COL5A1: variants seen among roughly 807,000 people sequenced by gnomAD.
The protein encoded by COL5A1 is collagen alpha-1(V) chain.
Under a neutral mutation model 263.7 loss-of-function variants are expected in COL5A1, and 16 were observed. That is an observed-to-expected ratio of 0.06 (90% CI 0.04 to 0.09). The LOEUF is 0.09. Ranked by LOEUF, COL5A1 falls within the 10% of genes least tolerant of loss-of-function variation. The pLI is 1.00. For missense variants in COL5A1, 2,036 were observed against 2,540.5 expected (o/e 0.80, Z 4.27); for synonymous variants, 1,012 against 1,004.5 (o/e 1.01, Z -0.14).
intron 4 of COL5A1, among the ~76,000 whole-genome samples, chr9:134,718,069 T>C (rs1834334110): frequency 6.6e-6 from 1 of 152,184 alleles, no homozygotes; most frequent in South Asian, 2.1e-4. Context: ...TCTCCATGGC[T>C]CCAGGCTTAT....
chr9:134,731,824 G>A (rs914991910), intron 8 of COL5A1, among the ~76,000 whole-genome samples, 161 bp downstream of exon 8: 1 of 152,128 alleles, frequency 6.6e-6, no homozygotes, highest in African/African-American at 2.4e-5. Flanking sequence ...TCGGTGCCTC[G>A]AATTTGCTCT....
At chr9:134,744,558 T>A (rs1482045713) in intron 11 of COL5A1, among the ~76,000 whole-genome samples, 1 of 137,790 alleles carries the variant, frequency 7.3e-6, no homozygotes, top group African/African-American at 2.8e-5. Context: ...TGCACACACA[T>A]CCACATATAC....
chr9:134,660,922 G>C (rs761345931), intron 1 of COL5A1, among the ~76,000 whole-genome samples: 7 of 152,166 alleles, frequency 4.6e-5, no homozygotes, highest in Non-Finnish European at 8.8e-5. Context: ...AAACTCAGAG[G>C]GTGCTGACCA....
At chr9:134,658,002 G>C (rs1318776629) in intron 1 of COL5A1, among the ~76,000 whole-genome samples, 1 of 151,998 alleles carries the variant, frequency 6.6e-6, no homozygotes, top group Non-Finnish European at 1.5e-5. Context: ...CGGGCACGGA[G>C]ATGCTGCTGG....
Position 134,841,232 on chromosome 9 carries a change from C to T in COL5A1, c.5371-925C>T, listed in dbSNP as rs994618754. Among the ~76,000 whole-genome samples, 2 of 152,224 alleles carry T rather than the reference C, an allele frequency of 1.3e-5. No homozygotes were observed. Among genetic ancestry groups the T allele is most frequent in the African/African-American group, 2.4e-5 (1 of 41,466 alleles). ...TAGCAAAAGCCATCTGCCCAGGATG[C>T]GTTTGCAGGCTCCTGGTTTGCGGGA... is the stretch of plus-strand genomic sequence containing the variant. On this transcript the variant is annotated intron_variant, in intron 65 of 65. Coordinates refer to ENST00000371817, the MANE Select transcript of COL5A1 (RefSeq NM_000093.5). This position sits in a 1 kb window ranked among gnomAD's most constrained non-coding sequence, Gnocchi z 4.8.
chr9:134,812,293 C>CCGGGA (rs1487062732), intron 46 of COL5A1, among the ~76,000 whole-genome samples, 156 bp from the exon 47 acceptor site: 2 of 152,180 alleles, frequency 1.3e-5, no homozygotes, highest in Non-Finnish European at 2.9e-5. Context: ...ACTGGGAACC[C>CCGGGA]CGGGACGTCC....
intron 1 of COL5A1, among the ~76,000 whole-genome samples, chr9:134,673,431 G>T (rs756933844): frequency 1.3e-4 from 19 of 146,834 alleles, no homozygotes; most frequent in Non-Finnish European, 2.2e-4. Flanking sequence ...CTGCACTCCA[G>T]CCTGGGCAAT....
At chr9:134,767,106 C>G (rs546755839) in intron 23 of COL5A1, 53 bp downstream of exon 23, 1 of 1,583,200 alleles carries the variant, frequency 6.3e-7, no homozygotes, top group Non-Finnish European at 8.6e-7. Flanking sequence ...GGGAGGCACA[C>G]GTCTCCAGTC....
chr9:134,804,967 G>C lies in COL5A1; in HGVS notation c.3115-8G>C, dbSNP rs1405192579. 4 of 1,612,692 alleles carry C rather than the reference G, an allele frequency of 2.5e-6. No individual in the cohort carries two copies. Among genetic ancestry groups the C allele is most frequent in the Middle Eastern group, 3.3e-4 (2 of 6,072 alleles). ...TCCAGGAAAGCTCATCTCTGACTCT[G>C]TTTTCAGGGTGACCCAGGCCCTGCA... On this transcript the variant is annotated splice_polypyrimidine_tract_variant and splice_region_variant and intron_variant, in intron 39 of 65. Coordinates refer to ENST00000371817, the MANE Select transcript of COL5A1 (RefSeq NM_000093.5).
At chr9:134,728,355 G>T (rs995016952) in intron 5 of COL5A1, among the ~76,000 whole-genome samples, 1 of 152,252 alleles carries the variant, frequency 6.6e-6, no homozygotes, top group African/African-American at 2.4e-5. Flanking sequence ...TGCACAGACT[G>T]CCATTCTGTT....
intron 57 of COL5A1, among the ~76,000 whole-genome samples, chr9:134,819,510 G>A (rs1838905842): frequency 6.6e-6 from 1 of 152,238 alleles, no homozygotes; most frequent in Non-Finnish European, 1.5e-5. Flanking sequence ...ACTCAGGAGT[G>A]AGATGGTTGT....
intron 40 of COL5A1, 38 bp from the exon 41 acceptor site, chr9:134,805,123 C>A (rs1386122434): frequency 6.2e-7 from 1 of 1,613,656 alleles, no homozygotes; most frequent in Non-Finnish European, 8.5e-7. Flanking sequence ...GAGGCCTCTC[C>A]CCACGTGCCC....
rs977518145 is a variant in COL5A1, at chr9:134,742,092, C to T, written c.1494+3284C>T. 1.3e-5 allele frequency among the ~76,000 whole-genome samples: 2 copies of T among 152,262 alleles called. No individual in the cohort carries two copies. Among genetic ancestry groups the T allele is most frequent in the African/African-American group, 4.8e-5 (2 of 41,478 alleles). On this transcript the variant is annotated intron_variant, in intron 11 of 65. Coordinates refer to ENST00000371817, the MANE Select transcript of COL5A1 (RefSeq NM_000093.5). This position sits in a 1 kb window ranked among gnomAD's most constrained non-coding sequence, Gnocchi z 4.6. ...CTGACCAGCTGCTGAAGCCCACACC[C>T]TGTGCCTCCACTGGCTGGCCCTGGG...
intron 1 of COL5A1, among the ~76,000 whole-genome samples, chr9:134,655,324 G>T (rs1443837135): frequency 6.6e-6 from 1 of 151,946 alleles, no homozygotes; most frequent in Admixed American, 6.6e-5. Context: ...CGAGGGAGGC[G>T]GAGGTGGAGC....
At chr9:134,780,682 A>G (rs376769406) in intron 28 of COL5A1, among the ~76,000 whole-genome samples, 1 of 152,220 alleles carries the variant, frequency 6.6e-6, no homozygotes, top group Non-Finnish European at 1.5e-5. Flanking sequence ...GGTGAAGACA[A>G]AGCTAAACTA....
chr9:134,811,734 A>G, intron 46 of COL5A1, 135 bp downstream of exon 46: 1 of 753,138 alleles, frequency 1.3e-6, no homozygotes, highest in Non-Finnish European at 2.3e-6. Context: ...GGGCCTCCTC[A>G]TTCCAACTGG....
rs539248337 is a variant in COL5A1, at chr9:134,658,670, G to A, written c.109+16374G>A. ...GTCGGGGGTCTTAATGGAAGCCGAC[G>A]CCCCTCTTGTACCCTGCCCGGCTTC... On this transcript the variant is annotated intron_variant, in intron 1 of 65. Coordinates refer to ENST00000371817, the MANE Select transcript of COL5A1 (RefSeq NM_000093.5). Among the ~76,000 whole-genome samples, 672 of 152,280 alleles carry A rather than the reference G, an allele frequency of 4.4e-3. 5 individuals carry two copies. Among genetic ancestry groups the A allele is most frequent in the African/African-American group, 0.016 (650 of 41,556 alleles).
chr9:134,840,968 AGGGAGCAGAATACC>A (rs1840005959), intron 65 of COL5A1, among the ~76,000 whole-genome samples: 2 of 152,226 alleles, frequency 1.3e-5, no homozygotes, highest in Admixed American at 1.3e-4. Flanking sequence ...CCCATAGGTC[AGGGAGCAGAATACC>A]GGGAGAGCTG....
chr9:134,763,217 G>T (rs1041311362), intron 19 of COL5A1, among the ~76,000 whole-genome samples: 1 of 152,224 alleles, frequency 6.6e-6, no homozygotes, highest in African/African-American at 2.4e-5. Flanking sequence ...CAGCCCGTGG[G>T]TTGAAGCAGT....
Sources: allele counts gnomAD v4.1 joint callset (sites outside exome capture counted in the v4.1 genomes callset), GRCh38; gene constraint gnomAD v4.1.1; non-coding constraint Gnocchi (gnomAD v3.1); transcripts MANE v1.5; gene names NCBI Gene and HGNC (gene_info 2026-07-23, HGNC 2026-07-21).